FAM114A1: variants seen among roughly 807,000 people sequenced by gnomAD.
The protein encoded by FAM114A1 is protein NOXP20.
FAM114A1 carries 62 observed loss-of-function variants against 64.3 expected under a neutral mutation model. The ratio of observed to expected loss-of-function variants is 0.96; its 90% confidence interval spans 0.79 to 1.19. The LOEUF is 1.19. Among genes scored for constraint, FAM114A1 ranks in the 50% most tolerant of loss-of-function variants. The pLI is 0.00. For missense variants in FAM114A1, 645 were observed against 676.3 expected, an observed-to-expected ratio of 0.95 and a Z score of 0.51; for synonymous variants, 254 against 251.1, an observed-to-expected ratio of 1.01 and a Z score of -0.11.
Position 38,945,494 on chromosome 4 carries a change from T to C in FAM114A1, c.*1937T>C, listed in dbSNP as rs1469208090. 1 of 152,224 alleles carries C rather than the reference T, an allele frequency of 6.6e-6. No individual in the cohort carries two copies. Among genetic ancestry groups the C allele is most frequent in the Admixed American group, 6.5e-5 (1 of 15,282 alleles). The allele number at this position is 152,224 out of a possible 1,614,324, so 9.4% of individuals were successfully genotyped here. A position where few individuals can be genotyped will look rare whatever the true frequency, so the allele number is the denominator to read the frequency against. On this transcript the variant is annotated 3_prime_UTR_variant, in exon 15 of 15. Coordinates refer to ENST00000358869, the MANE Select transcript of FAM114A1 (RefSeq NM_138389.4). ...CTCCAGGGCAAATGAAGCTCACAGT[T>C]TTGCAAGGTGGAAACCTCTTATTCA...
chr4:38,868,161 A>T (rs780032745), intron 1 of FAM114A1: 1 of 229,066 alleles, frequency 4.4e-6, no homozygotes, highest in South Asian at 5.7e-5. Flanking sequence ...ACCTCCGCGG[A>T]GCCTGCCTGG....
At position 38,870,991 on chromosome 4, in the gene FAM114A1, A is replaced by C. The variant is rs142829770; in HGVS notation, c.-9+2445A>C. Among the ~76,000 whole-genome samples the C allele has an allele frequency of 3.7e-3, 566 of 152,214 alleles. 5 individuals carry two copies. The highest frequency in any genetic ancestry group is 0.013 in the African/African-American group (523 of 41,550). On this transcript the variant is annotated intron_variant, in intron 2 of 14. Transcript: ENST00000358869. ...TTTTCGTTTTGATTTGGGGAAAATT[A>C]GACCTGTAACAAGTAGAGATAAATA...
At chr4:38,930,024 A>G (rs530931804) in intron 10 of FAM114A1, among the ~76,000 whole-genome samples, 3 of 152,022 alleles carry the variant, frequency 2.0e-5, no homozygotes, top group Non-Finnish European at 2.9e-5. Flanking sequence ...CTTTTTTCAA[A>G]TTTCACCCCG....
Position 38,922,889 on chromosome 4 carries a change from A to T in FAM114A1, c.1065A>T (p.Glu355Asp), listed in dbSNP as rs756344600. 1 of 1,608,038 alleles carries T rather than the reference A, an allele frequency of 6.2e-7. No individual in the cohort carries two copies. Among genetic ancestry groups the T allele is most frequent in the African/African-American group, 1.3e-5 (1 of 74,444 alleles). Residue 355 changes from glutamate to aspartate, a missense_variant, in exon 9 of 15, where the codon GAA becomes GAT. Coordinates refer to ENST00000358869, the MANE Select transcript of FAM114A1 (RefSeq NM_138389.4). ...KELENEENQE[E>D]QGLEEKGEEF... ...TAGAGAATGAAGAAAATCAAGAAGA[A>T]CAAGGTAAAGGAAAATAACTTAAAT...
At chr4:38,925,054 T>A (rs1719980504) in intron 9 of FAM114A1, among the ~76,000 whole-genome samples, 1 of 152,234 alleles carries the variant, frequency 6.6e-6, no homozygotes, top group African/African-American at 2.4e-5. Context: ...TTGCTGTAAG[T>A]GATGTGTTCT....
intron 2 of FAM114A1, among the ~76,000 whole-genome samples, chr4:38,873,379 T>C (rs1026809838): frequency 2.0e-5 from 3 of 152,164 alleles, no homozygotes; most frequent in Non-Finnish European, 4.4e-5. Context: ...AGCTCCTGAG[T>C]GTCTGTACAC....
intron 14 of FAM114A1, 66 bp from the exon 15 acceptor site, chr4:38,943,390 A>G (rs887597054): frequency 1.9e-5 from 26 of 1,345,804 alleles, no homozygotes; most frequent in African/African-American, 7.2e-5. Context: ...ACATTATCCA[A>G]TTGGAAGTAT....
chr4:38,868,968 G>A (rs2109502229), intron 2 of FAM114A1, among the ~76,000 whole-genome samples: 1 of 152,356 alleles, frequency 6.6e-6, no homozygotes, highest in South Asian at 2.1e-4. Context: ...AAGTGAGACA[G>A]TGCAGAAGGA....
chr4:38,922,925 A>G (rs1270669931), intron 9 of FAM114A1, 32 bp downstream of exon 9: 1 of 1,591,726 alleles, frequency 6.3e-7, no homozygotes, highest in Non-Finnish European at 8.5e-7. Context: ...AGCAAGACAA[A>G]CTGTTGGCAT....
chr4:38,913,320 G>A (rs1278941061), intron 7 of FAM114A1, among the ~76,000 whole-genome samples: 1 of 152,220 alleles, frequency 6.6e-6, no homozygotes, highest in African/African-American at 2.4e-5. Flanking sequence ...CTGGAGAAAA[G>A]TTATTAATGG....
intron 9 of FAM114A1, among the ~76,000 whole-genome samples, chr4:38,924,795 ACTAATAGATGC>A (rs1719953596): frequency 2.0e-5 from 3 of 152,302 alleles, no homozygotes; most frequent in African/African-American, 4.8e-5. Context: ...CCCAGGATGA[ACTAATAGATGC>A]CCCTTTCCCA....
At chr4:38,896,397 G>A (rs1488840506) in intron 4 of FAM114A1, among the ~76,000 whole-genome samples, 1 of 152,198 alleles carries the variant, frequency 6.6e-6, no homozygotes, top group African/African-American at 2.4e-5. Flanking sequence ...CAAAAGCAAT[G>A]TATATTTCAA....
chr4:38,878,453 C>T (rs1398808371), intron 3 of FAM114A1, 27 bp downstream of exon 3: 5 of 1,540,250 alleles, frequency 3.2e-6, no homozygotes, highest in African/African-American at 1.4e-5. Flanking sequence ...CAATTCACTT[C>T]GGCCTAAGTT....
intron 3 of FAM114A1, among the ~76,000 whole-genome samples, chr4:38,882,236 C>A (rs555637393): frequency 1.5e-5 from 2 of 129,960 alleles, no homozygotes; most frequent in Admixed American, 8.2e-5. Flanking sequence ...GGCGTGAACC[C>A]GGGAAGCGGA....
chr4:38,869,610 C>A (rs142135052), intron 2 of FAM114A1, among the ~76,000 whole-genome samples: 10 of 152,240 alleles, frequency 6.6e-5, no homozygotes, highest in African/African-American at 2.2e-4. Context: ...AGCCTGGGTA[C>A]GTAGACTTGT....
At chr4:38,918,671 T>G (rs2075270805) in intron 8 of FAM114A1, among the ~76,000 whole-genome samples, 1 of 152,068 alleles carries the variant, frequency 6.6e-6, no homozygotes, top group Admixed American at 6.6e-5. Flanking sequence ...AGTTAAATAA[T>G]TTTGGGGCCA....
intron 12 of FAM114A1, among the ~76,000 whole-genome samples, chr4:38,933,844 A>T (rs1720864821): frequency 1.3e-5 from 2 of 152,228 alleles, no homozygotes; most frequent in South Asian, 4.1e-4. Context: ...TTGCTAGCTA[A>T]CTAGTCTTTG....
rs771412016 is a variant in FAM114A1, at chr4:38,878,052, T to C, written c.-8-19T>C. The C allele has an allele frequency of 1.3e-6, 2 of 1,558,022 alleles. No homozygotes were observed. On this transcript the variant is annotated intron_variant, in intron 2 of 14. Coordinates refer to ENST00000358869, the MANE Select transcript of FAM114A1 (RefSeq NM_138389.4). ...AACAATTCGATGAAAGCATGAGGTG[T>C]TTATAATTGTGTTGACAGATACTAA...
chr4:38,890,936 A>G (rs1299946194), intron 3 of FAM114A1, among the ~76,000 whole-genome samples: 1 of 152,242 alleles, frequency 6.6e-6, no homozygotes, highest in Non-Finnish European at 1.5e-5. Context: ...AGAAGCTGTC[A>G]GGAATCCAAA....
Sources: allele counts gnomAD v4.1 joint callset (sites outside exome capture counted in the v4.1 genomes callset), GRCh38; gene constraint gnomAD v4.1.1; transcripts MANE v1.5; gene names NCBI Gene and HGNC (gene_info 2026-07-23, HGNC 2026-07-21).